The following GBE1 variants were observed in gnomAD, a reference collection of about 807,000 sequenced individuals.
GBE1 encodes 1,4-alpha-glucan branching enzyme 1.
In GBE1, 70 loss-of-function variants were observed where a neutral mutation model predicts 88.8. The observed-to-expected ratio is 0.79, with a 90% CI of 0.65 to 0.96. GBE1 has a LOEUF of 0.96. Ranked by LOEUF, GBE1 falls within the 40% of genes least tolerant of loss-of-function variation. GBE1 has a pLI of 0.00. For missense variants in GBE1, 872 were observed against 871.0 expected (o/e 1.00, Z -0.01); for synonymous variants, 284 against 300.1 (o/e 0.95, Z 0.56).
chr3:81,560,520 T>C (rs1166449782), intron 12 of GBE1, among the ~76,000 whole-genome samples: 1 of 151,984 alleles, frequency 6.6e-6, no homozygotes, highest in Non-Finnish European at 1.5e-5. Context: ...CCACATAAAA[T>C]AAAAACATGA....
chr3:81,626,267 G>A (rs1704412919), intron 7 of GBE1, among the ~76,000 whole-genome samples: 1 of 152,026 alleles, frequency 6.6e-6, no homozygotes, highest in Non-Finnish European at 1.5e-5. Flanking sequence ...AGGACATAAG[G>A]TTCAAACAGG....
Position 81,677,491 on chromosome 3 carries a change from T to C in GBE1, c.314-6538A>G, listed in dbSNP as rs72906263. Among the ~76,000 whole-genome samples the C allele has an allele frequency of 3.3e-3, 504 of 152,302 alleles. 4 individuals are homozygous for C. Among genetic ancestry groups the C allele is most frequent in the African/African-American group, 0.012 (483 of 41,568 alleles). On this transcript the variant is annotated intron_variant, in intron 2 of 15. Transcript: ENST00000429644. Reference sequence around the variant, plus strand: ...TTTAATTACTTTGTATCATGCAGAATGTATAAGAAATTATAATGCAAAGGC... The same window carrying C: ...TTTAATTACTTTGTATCATGCAGAACGTATAAGAAATTATAATGCAAAGGC...
At chr3:81,620,957 G>T (rs535684897) in intron 7 of GBE1, among the ~76,000 whole-genome samples, 1 of 152,184 alleles carries the variant, frequency 6.6e-6, no homozygotes, top group Non-Finnish European at 1.5e-5. Context: ...CTCAGTATAC[G>T]AGAGGACAGC....
At chr3:81,507,113 T>C (rs188182170) in intron 14 of GBE1, among the ~76,000 whole-genome samples, 1 of 152,174 alleles carries the variant, frequency 6.6e-6, no homozygotes, top group East Asian at 1.9e-4. Flanking sequence ...TAATTACTTT[T>C]CAAAACTATT....
chr3:81,533,208 C>G (rs1703032383), intron 14 of GBE1, among the ~76,000 whole-genome samples: 1 of 152,086 alleles, frequency 6.6e-6, no homozygotes, highest in Non-Finnish European at 1.5e-5. Context: ...ATTACTTTAG[C>G]ACTCTGGAGG....
rs1706489169 is a variant in GBE1, at chr3:81,750,564, TATATATATATAC to T, written c.143+10799_143+10810del. ...GTATATATATATGTATATATATATG[TATATATATATAC>T]GTATATATATACGTATATATATATG... On this transcript the variant is annotated intron_variant, in intron 1 of 15. Transcript: ENST00000429644. Among the ~76,000 whole-genome samples the T allele has an allele frequency of 3.5e-4, 24 of 68,210 alleles. 3 individuals are homozygous for T. Among genetic ancestry groups the T allele is most frequent in the Middle Eastern group, 0.011 (2 of 180 alleles). The allele number at this position is 68,210 out of a possible 152,430, so 44.7% of individuals were successfully genotyped here. A position where few individuals can be genotyped will look rare whatever the true frequency, so the allele number is the denominator to read the frequency against.
intron 12 of GBE1, among the ~76,000 whole-genome samples, chr3:81,574,341 T>G (rs183690249): frequency 4.7e-4 from 71 of 152,276 alleles, no homozygotes; most frequent in African/African-American, 1.6e-3. Context: ...GCTATATGCC[T>G]GCAAATACTT....
At chr3:81,533,545 C>G (rs1394175178) in intron 14 of GBE1, among the ~76,000 whole-genome samples, 1 of 152,044 alleles carries the variant, frequency 6.6e-6, no homozygotes, top group East Asian at 1.9e-4. Flanking sequence ...GGGGTGGTGA[C>G]AGATGCTGCA....
At chr3:81,604,808 A>T (rs925889769) in intron 7 of GBE1, among the ~76,000 whole-genome samples, 6 of 152,136 alleles carry the variant, frequency 3.9e-5, no homozygotes, top group Non-Finnish European at 8.8e-5. Context: ...GAAATGTTCA[A>T]ATAATAGATT....
chr3:81,652,715 C>T (rs1704868436), intron 3 of GBE1, among the ~76,000 whole-genome samples: 1 of 152,148 alleles, frequency 6.6e-6, no homozygotes, highest in Admixed American at 6.5e-5. Context: ...GCTGTCTCAC[C>T]TTGCTTTTCA....
At chr3:81,512,107 A>G (rs1413077804) in intron 14 of GBE1, among the ~76,000 whole-genome samples, 1 of 151,988 alleles carries the variant, frequency 6.6e-6, no homozygotes, top group Non-Finnish European at 1.5e-5. Context: ...AAAACCAAAT[A>G]CTGCATGTTC....
At chr3:81,656,120 T>G (rs1704935936) in intron 3 of GBE1, among the ~76,000 whole-genome samples, 1 of 152,186 alleles carries the variant, frequency 6.6e-6, no homozygotes, top group South Asian at 2.1e-4. Flanking sequence ...TTTGCCATTG[T>G]GTGAGGCTGA....
At chr3:81,709,629 A>C (rs1705828178) in intron 1 of GBE1, among the ~76,000 whole-genome samples, 1 of 152,228 alleles carries the variant, frequency 6.6e-6, no homozygotes, top group Admixed American at 6.5e-5. Flanking sequence ...TAAGTTTAAA[A>C]AATAATCATT....
intron 1 of GBE1, among the ~76,000 whole-genome samples, chr3:81,722,699 T>G (rs1435063148): frequency 6.6e-6 from 1 of 151,764 alleles, no homozygotes; most frequent in African/African-American, 2.4e-5. Context: ...ATAGTAGTCA[T>G]AACTGTCCTA....
intron 1 of GBE1, among the ~76,000 whole-genome samples, chr3:81,705,890 T>A (rs985973474): frequency 2.0e-5 from 3 of 152,140 alleles, no homozygotes; most frequent in African/African-American, 7.2e-5. Context: ...TGAATTTTTT[T>A]AAAAACTAGC....
chr3:81,734,367 A>G (rs1278541291), intron 1 of GBE1, among the ~76,000 whole-genome samples: 1 of 152,176 alleles, frequency 6.6e-6, no homozygotes, highest in Non-Finnish European at 1.5e-5. Flanking sequence ...TCAAATTACT[A>G]TCAAGTTCTT....
chr3:81,624,903 T>C (rs1186498008), intron 7 of GBE1, among the ~76,000 whole-genome samples: 2 of 152,150 alleles, frequency 1.3e-5, no homozygotes, highest in Non-Finnish European at 2.9e-5. Context: ...TATTCACATT[T>C]CTTAAGGAAA....
chr3:81,691,961 G>A (rs780326342), intron 2 of GBE1, among the ~76,000 whole-genome samples: 4 of 152,074 alleles, frequency 2.6e-5, no homozygotes, highest in Non-Finnish European at 4.4e-5. Flanking sequence ...AGCCAAGGGC[G>A]TGATCATAGA....
intron 2 of GBE1, among the ~76,000 whole-genome samples, chr3:81,701,831 G>A (rs1012055127): frequency 1.3e-5 from 2 of 151,728 alleles, no homozygotes; most frequent in South Asian, 2.1e-4. Context: ...TCAAACACCT[G>A]AATGATCCTC....
Sources: gnomAD v4.1 joint callset for allele counts (sites outside exome capture counted in the v4.1 genomes callset) on GRCh38, gnomAD v4.1.1 for gene constraint, MANE v1.5 for transcripts, NCBI Gene and HGNC (gene_info 2026-07-23, HGNC 2026-07-21) for gene names.